LACTBL1: variants seen among roughly 807,000 people sequenced by gnomAD.
LACTBL1 encodes the protein lactamase beta like 1.
Under a neutral mutation model 39.6 loss-of-function variants are expected in LACTBL1, and 29 were observed. The ratio of observed to expected loss-of-function variants is 0.73; its 90% confidence interval spans 0.55 to 1.00. The LOEUF (loss-of-function observed/expected upper bound fraction) is 1.00, where lower values mean the gene tolerates loss of function less well. Ranked by LOEUF, LACTBL1 falls within the 50% of genes least tolerant of loss-of-function variation. LACTBL1 has a pLI of 0.00. For missense variants in LACTBL1, 711 were observed against 748.5 expected, an observed-to-expected ratio of 0.95 and a Z score of 0.59; for synonymous variants, 361 against 360.7, an observed-to-expected ratio of 1.00 and a Z score of -0.01.
At chr1:22,969,592 G>A (rs1168363424), upstream of LACTBL1, among the ~76,000 whole-genome samples, 3 of 152,124 alleles carry the variant, frequency 2.0e-5, no homozygotes, top group Non-Finnish European at 4.4e-5. Context: ...AACTCCGCCA[G>A]CCCATTCCCT....
At chr1:22,966,969 C>T (rs1337916597), upstream of LACTBL1, among the ~76,000 whole-genome samples, 1 of 152,184 alleles carries the variant, frequency 6.6e-6, no homozygotes. Context: ...CCCAGTGGCT[C>T]ACTCCTATTA....
At chr1:22,953,312 G>A (rs982616258) in exon 6 of LACTBL1, 24 of 1,225,904 alleles carry the variant, frequency 2.0e-5, no homozygotes, top group African/African-American at 4.7e-5. Context: ...TCCACGCGCG[G>A]CCCGAACTGG....
the LACTBL1 span, among the ~76,000 whole-genome samples, chr1:22,971,428 G>A: frequency 6.6e-6 from 1 of 152,084 alleles, no homozygotes; most frequent in Admixed American, 6.6e-5. Context: ...TCCCTTCCCA[G>A]CTGGAAATTG....
upstream of LACTBL1, chr1:22,965,463 G>A (rs1405967838): frequency 2.4e-6 from 3 of 1,233,060 alleles, no homozygotes; most frequent in South Asian, 4.1e-5. Context: ...TCCCCTTGGG[G>A]GTCAGTCAGA....
intron 1 of LACTBL1, among the ~76,000 whole-genome samples, chr1:22,964,862 C>G (rs1640861534): frequency 6.6e-6 from 1 of 152,186 alleles, no homozygotes; most frequent in Non-Finnish European, 1.5e-5. Flanking sequence ...GGCTCCAAGG[C>G]TTGGCAGCTG....
chr1:22,958,998 A>C, intron 3 of LACTBL1, 78 bp from the exon 6 acceptor site: 1 of 903,114 alleles, frequency 1.1e-6, no homozygotes, highest in East Asian at 2.7e-5. Context: ...CCATCCTGCA[A>C]CTTTTTAGTG....
chr1:22,958,789 AG>A lies in LACTBL1; in HGVS notation c.448del (p.Leu150TrpfsTer9), dbSNP rs2124229042. 1 of 1,550,676 alleles carries A rather than the reference AG, an allele frequency of 6.4e-7. No homozygotes were observed. Among genetic ancestry groups the A allele is most frequent in the South Asian group, 1.2e-5 (1 of 84,060 alleles). ...CAGGCCCTGCTGTTCGGCTGATGCC[AG>A]GCCCAGCGGGTTGTTAATGGTGAAG... On this transcript the variant is annotated frameshift_variant, in exon 4 of 6. Coordinates refer to ENST00000426928, the Ensembl canonical transcript of LACTBL1. LOFTEE classifies it high-confidence loss of function.
chr1:22,957,895 G>A (rs1403541095), intron 4 of LACTBL1, among the ~76,000 whole-genome samples: 2 of 151,548 alleles, frequency 1.3e-5, no homozygotes, highest in African/African-American at 2.4e-5. Context: ...CAGGTGGTCC[G>A]CCCGCCTCAA....
intron 2 of LACTBL1, among the ~76,000 whole-genome samples, chr1:22,961,903 T>TGCCCG (rs1331624007): frequency 1.3e-5 from 2 of 152,086 alleles, no homozygotes; most frequent in African/African-American, 4.8e-5. Context: ...TATGCCACCA[T>TGCCCG]GCCCGGCTGA....
chr1:22,959,079 G>A (rs1201566058), intron 3 of LACTBL1, among the ~76,000 whole-genome samples, 159 bp from the exon 6 acceptor site: 1 of 152,222 alleles, frequency 6.6e-6, no homozygotes, highest in African/African-American at 2.4e-5. Context: ...CTGTGGAGCT[G>A]CCTTTGGGAT....
At chr1:22,960,617 CAAAAAAA>C (rs35006759) in intron 2 of LACTBL1, among the ~76,000 whole-genome samples, 2 of 38,008 alleles carry the variant, frequency 5.3e-5, no homozygotes, top group Non-Finnish European at 9.8e-5. Context: ...AACTCCGTCT[CAAAAAAA>C]AAAAAAAAAA....
chr1:22,966,469 A>T (rs1432253754), upstream of LACTBL1, among the ~76,000 whole-genome samples: 1 of 152,202 alleles, frequency 6.6e-6, no homozygotes, highest in South Asian at 2.1e-4. Flanking sequence ...GCAATCCCTC[A>T]GTGGTGAGTT....
intron 1 of LACTBL1, among the ~76,000 whole-genome samples, chr1:22,963,657 C>G (rs1166776438): frequency 6.6e-6 from 1 of 152,202 alleles, no homozygotes; most frequent in Non-Finnish European, 1.5e-5. Flanking sequence ...AGCTGAGCAT[C>G]AGGGCTTTGG....
At chr1:22,964,091 C>T (rs1317832181) in intron 1 of LACTBL1, among the ~76,000 whole-genome samples, 1 of 152,168 alleles carries the variant, frequency 6.6e-6, no homozygotes, top group Non-Finnish European at 1.5e-5. Context: ...CGTCCACCAC[C>T]ACGCCCGGCT....
At chr1:22,953,371 A>T (rs1640725229) in exon 6 of LACTBL1, 1 of 1,228,218 alleles carries the variant, frequency 8.1e-7, no homozygotes, top group Non-Finnish European at 1.0e-6. Flanking sequence ...GTAGAAGGTC[A>T]GGTTGGCGAA....
At chr1:22,970,704 G>A in the LACTBL1 span, among the ~76,000 whole-genome samples, 1 of 151,070 alleles carries the variant, frequency 6.6e-6, no homozygotes, top group Non-Finnish European at 1.5e-5. Flanking sequence ...CAGCTACTTG[G>A]AAGGCTGAGG....
At chr1:22,971,730 G>A in the LACTBL1 span, among the ~76,000 whole-genome samples, 2 of 152,238 alleles carry the variant, frequency 1.3e-5, no homozygotes. Flanking sequence ...AGTAGGACTT[G>A]ACTCTGGCTC....
At chr1:22,958,999 C>T (rs1176731093) in intron 3 of LACTBL1, 79 bp from the exon 6 acceptor site, 2 of 897,640 alleles carry the variant, frequency 2.2e-6, no homozygotes, top group African/African-American at 3.3e-5. Context: ...CATCCTGCAA[C>T]TTTTTAGTGT....
exon 6 of LACTBL1, chr1:22,953,156 C>G (rs1351200937): frequency 1.6e-6 from 2 of 1,232,100 alleles, no homozygotes; most frequent in Non-Finnish European, 2.0e-6. Context: ...TAGAAGTTGA[C>G]CAGCTGCCCG....
Sources: allele counts gnomAD v4.1 joint callset (sites outside exome capture counted in the v4.1 genomes callset), GRCh38; gene constraint gnomAD v4.1.1; transcripts MANE v1.5; gene names NCBI Gene and HGNC (gene_info 2026-07-23, HGNC 2026-07-21).